Variants in WSB1 observed in about 807,000 individuals in gnomAD.
The protein encoded by WSB1 is WD repeat and SOCS box-containing protein 1.
WSB1 carries 23 observed loss-of-function variants against 50.2 expected under a neutral mutation model. That is an observed-to-expected ratio of 0.46 (90% CI 0.33 to 0.65). The LOEUF is 0.65. WSB1 is among the 30% of genes least tolerant of loss of function. WSB1 has a pLI of 0.02. For missense variants in WSB1, 492 were observed against 522.3 expected (o/e 0.94, Z 0.56); for synonymous variants, 179 against 172.0 (o/e 1.04, Z -0.32).
intron 5 of WSB1, 91 bp from the exon 6 acceptor site, chr17:27,309,009 C>CT: frequency 7.2e-7 from 1 of 1,397,676 alleles, no homozygotes; most frequent in Non-Finnish European, 9.4e-7. Flanking sequence ...TTAATATAAT[C>CT]TTAATTAAAT....
intron 5 of WSB1, 107 bp from the exon 6 acceptor site, chr17:27,308,993 T>C: frequency 7.4e-7 from 1 of 1,346,066 alleles, no homozygotes; most frequent in Non-Finnish European, 9.6e-7. Flanking sequence ...TCATAATTTA[T>C]AATGCTTAAT....
At chr17:27,304,738 ATAT>A in intron 3 of WSB1, 39 bp from the exon 4 acceptor site, 1 of 1,591,218 alleles carries the variant, frequency 6.3e-7, no homozygotes, top group South Asian at 1.1e-5. Flanking sequence ...AAACAAAAAT[ATAT>A]TAATACTGTC....
At chr17:27,307,874 T>C in intron 5 of WSB1, 1 of 1,458,696 alleles carries the variant, frequency 6.9e-7, no homozygotes, top group Non-Finnish European at 9.0e-7. Flanking sequence ...TACCATAGGA[T>C]GAAGTAACCT....
chr17:27,308,646 C>T, intron 5 of WSB1: 1 of 986,324 alleles, frequency 1.0e-6, no homozygotes, highest in Non-Finnish European at 1.2e-6. Context: ...AAGTGATTAT[C>T]TCAAAGGGAG....
chr17:27,300,191 T>C (rs541178308), intron 1 of WSB1, among the ~76,000 whole-genome samples: 1 of 111,918 alleles, frequency 8.9e-6, no homozygotes, highest in East Asian at 2.3e-4. Flanking sequence ...ATGTCCAGGT[T>C]CTCTAGCTAT....
rs754022713 is a variant in WSB1 at position 27,314,160 on chromosome 17, A to G, written c.*1791A>G. 1.3e-5 allele frequency: 2 copies of G among 152,238 alleles called. No homozygotes were observed. The highest frequency in any genetic ancestry group is 2.9e-5 in the Non-Finnish European group (2 of 68,044). 9.4% of individuals were successfully genotyped at this position (152,238 alleles called of 1,614,324 possible). A position where few individuals can be genotyped will look rare whatever the true frequency, so the allele number is the denominator to read the frequency against. ...TGAAAGCCAGTAGAAAATCTGCTCA[A>G]GTTACTTCTTGAGGATCATCTGTAT... On this transcript the variant is annotated 3_prime_UTR_variant, in exon 9 of 9. Transcript: ENST00000262394.
chr17:27,307,530 C>T lies in WSB1; in HGVS notation c.711+648C>T, dbSNP rs567619031. 3.4e-5 allele frequency: 19 copies of T among 566,938 alleles called. No homozygotes were observed. The South Asian group carries it at 4.0e-4, about 12-fold the overall frequency. 35.1% of individuals were successfully genotyped at this position (566,938 alleles called of 1,614,324 possible). On this transcript the variant is annotated intron_variant, in intron 5 of 8. Transcript: ENST00000262394. Reference sequence around the variant, plus strand: ...GAAGTCCAAATACATGTGATAATTACAATACACTTTGAATTAATGGAGGGT... The same window carrying T: ...GAAGTCCAAATACATGTGATAATTATAATACACTTTGAATTAATGGAGGGT...
intron 5 of WSB1, chr17:27,307,520 G>A: frequency 1.8e-6 from 1 of 554,824 alleles, no homozygotes; most frequent in Admixed American, 3.6e-5. Flanking sequence ...CCAAATACAT[G>A]TGATAATTAC....
Position 27,311,548 on chromosome 17 carries a change from G to A in WSB1, c.1038G>A (p.Val346=), listed in dbSNP as rs149716714. The A allele has an allele frequency of 6.7e-5, 108 of 1,611,666 alleles. No individual in the cohort carries two copies. The African/African-American group carries it at 1.4e-3, about 21-fold the overall frequency. The stretch of plus-strand genomic sequence containing the variant: ...GGAGAATTGATGAGGATTATCCAGT[G>A]CAAGTTGCACCTTTGAGCAATGGTC... ...RFWRIDEDYP[V]QVAPLSNGLC... is the part of the protein sequence containing the mutation. Residue 346 remains valine, a synonymous_variant, in exon 8 of 9, where the codon GTG becomes GTA. Transcript: ENST00000262394.
Position 27,303,352 on chromosome 17 carries a change from C to T in WSB1, c.210-15C>T, listed in dbSNP as rs752757323. Reference sequence around the variant, plus strand: ...GAATAATAATACAATTTCCATCTGACTTCCCCCACTCCAGTCTCTTGCATG... The same window carrying T: ...GAATAATAATACAATTTCCATCTGATTTCCCCCACTCCAGTCTCTTGCATG... On this transcript the variant is annotated splice_polypyrimidine_tract_variant and intron_variant, in intron 2 of 8. Coordinates refer to ENST00000262394, the MANE Select transcript of WSB1 (RefSeq NM_015626.10). 9.9e-6 allele frequency: 16 copies of T among 1,611,060 alleles called. No homozygotes were observed. The South Asian group carries it at 1.5e-4, about 16-fold the overall frequency.
chr17:27,304,634 C>A, intron 3 of WSB1, 146 bp from the exon 4 acceptor site: 1 of 576,368 alleles, frequency 1.7e-6, no homozygotes, highest in Non-Finnish European at 2.7e-6. Flanking sequence ...ATTGCTTGAA[C>A]CCAGGAGGTC....
intron 1 of WSB1, among the ~76,000 whole-genome samples, chr17:27,298,770 A>G (rs1025792286): frequency 6.6e-6 from 1 of 152,110 alleles, no homozygotes; most frequent in Admixed American, 6.6e-5. Flanking sequence ...AGGCTGAGGC[A>G]GGAGAATTGC....
chr17:27,300,601 A>G (rs549347699), intron 1 of WSB1, among the ~76,000 whole-genome samples: 5 of 152,312 alleles, frequency 3.3e-5, no homozygotes, highest in Non-Finnish European at 5.9e-5. Flanking sequence ...AAAAACCAAA[A>G]TAATTCCATT....
chr17:27,312,164 A>AATACATATAC, intron 8 of WSB1, 46 bp from the exon 9 acceptor site: 2 of 1,569,502 alleles, frequency 1.3e-6, no homozygotes, highest in Non-Finnish European at 1.7e-6. Context: ...GCAACACTGA[A>AATACATATAC]ATACATATAC....
At chr17:27,297,337 T>C (rs2017020731) in intron 1 of WSB1, 2 of 152,128 alleles carry the variant, frequency 1.3e-5, no homozygotes, top group African/African-American at 4.8e-5. Context: ...GGCTGATTTT[T>C]TGTATTTTTA....
chr17:27,311,746 C>T, intron 8 of WSB1, 130 bp downstream of exon 8: 1 of 679,150 alleles, frequency 1.5e-6, no homozygotes, highest in Non-Finnish European at 2.3e-6. Context: ...ATTCTCCTGC[C>T]TCAGCCTCCC....
At chr17:27,300,230 G>A (rs1159240053) in intron 1 of WSB1, among the ~76,000 whole-genome samples, 1 of 151,754 alleles carries the variant, frequency 6.6e-6, no homozygotes, top group Admixed American at 6.6e-5. Context: ...TATGTGAACA[G>A]CAATAACATA....
At chr17:27,308,392 T>A in intron 5 of WSB1, 1 of 985,170 alleles carries the variant, frequency 1.0e-6, no homozygotes, top group South Asian at 4.7e-5. Flanking sequence ...TCTTAAATAA[T>A]TGAACCGTTT....
rs190930104 is a variant in WSB1 at position 27,310,161 on chromosome 17, C to A, written c.985C>A (p.Leu329Ile). ...FSHDGLHVAS[L>I]ADDKMVRFWR... Reference sequence around the variant, plus strand: ...CCATGATGGACTGCATGTTGCAAGCCTTGCTGATGATAAGTAAGTATGTGC... The same window carrying A: ...CCATGATGGACTGCATGTTGCAAGCATTGCTGATGATAAGTAAGTATGTGC... Residue 329 changes from leucine to isoleucine, a missense_variant, in exon 7 of 9, where the codon CTT becomes ATT. Leu to Ile is a conservative substitution (Grantham distance 5, BLOSUM62 2). Coordinates refer to ENST00000262394, the MANE Select transcript of WSB1 (RefSeq NM_015626.10). 532 of 1,613,834 alleles carry A rather than the reference C, an allele frequency of 3.3e-4. No individual in the cohort carries two copies. Among genetic ancestry groups the A allele is most frequent in the Non-Finnish European group, 4.2e-4 (498 of 1,179,798 alleles).
Sources: allele counts gnomAD v4.1 joint callset (sites outside exome capture counted in the v4.1 genomes callset), GRCh38; gene constraint gnomAD v4.1.1; transcripts MANE v1.5; gene names NCBI Gene and HGNC (gene_info 2026-07-23, HGNC 2026-07-21).